CTNNA3: variants seen among roughly 807,000 people sequenced by gnomAD.
CTNNA3 encodes the protein catenin alpha-3.
A neutral mutation model predicts 95.7 loss-of-function variants in CTNNA3; 76 were observed. The observed-to-expected ratio is 0.79, with a 90% CI of 0.66 to 0.96. The LOEUF is 0.96. Among genes scored for constraint, CTNNA3 ranks in the 40% least tolerant of loss-of-function variants. The pLI is 0.00. For synonymous variants in CTNNA3, 431 were observed against 374.4 expected (o/e 1.15, Z -1.74); for missense variants, 1,191 against 1,089.8 (o/e 1.09, Z -1.31).
At chr10:67,023,947 G>T (rs1263672537) in intron 7 of CTNNA3, among the ~76,000 whole-genome samples, 1 of 152,086 alleles carries the variant, frequency 6.6e-6, no homozygotes, top group Non-Finnish European at 1.5e-5. Flanking sequence ...GGATTATTTT[G>T]GGTTATTACT....
intron 7 of CTNNA3, among the ~76,000 whole-genome samples, chr10:67,004,429 A>G (rs10997480): frequency 0.31 from 47,647 of 152,194 alleles, 8,670 homozygotes; most frequent in East Asian, 0.53. Flanking sequence ...GACACATGTA[A>G]GGACAGCCCC....
chr10:66,213,035 T>G (rs1589747681), intron 13 of CTNNA3, among the ~76,000 whole-genome samples: 1 of 152,130 alleles, frequency 6.6e-6, no homozygotes, highest in Admixed American at 6.6e-5. Context: ...GAAAGAAATG[T>G]CCTTTTTGCC....
chr10:67,081,243 C>T (rs1857043671), intron 7 of CTNNA3, among the ~76,000 whole-genome samples: 1 of 152,074 alleles, frequency 6.6e-6, no homozygotes, highest in South Asian at 2.1e-4. Flanking sequence ...ATTTAAAATG[C>T]TTAATTCTCT....
intron 13 of CTNNA3, among the ~76,000 whole-genome samples, chr10:66,176,722 GA>G (rs2085731890): frequency 6.6e-6 from 1 of 152,018 alleles, no homozygotes. Context: ...TGTCATCTAT[GA>G]ACCAGAAAGT....
chr10:67,036,574 T>C (rs1564846159), intron 7 of CTNNA3, among the ~76,000 whole-genome samples: 1 of 152,150 alleles, frequency 6.6e-6, no homozygotes, highest in Non-Finnish European at 1.5e-5. Context: ...GGTCTCCATG[T>C]TGCCCAGGCT....
intron 7 of CTNNA3, among the ~76,000 whole-genome samples, chr10:67,050,351 A>G (rs1441757039): frequency 6.6e-6 from 1 of 152,188 alleles, no homozygotes; most frequent in African/African-American, 2.4e-5. Context: ...TTTGCAACTG[A>G]ATTTTATAGA....
At chr10:67,361,350 A>AAG (rs765797541) in intron 5 of CTNNA3, among the ~76,000 whole-genome samples, 4 of 152,170 alleles carry the variant, frequency 2.6e-5, no homozygotes, top group Admixed American at 6.6e-5. Flanking sequence ...CACAGAACAT[A>AAG]CTGCAAGACT....
chr10:67,168,390 T>C (rs1861873203), intron 7 of CTNNA3, among the ~76,000 whole-genome samples: 1 of 151,990 alleles, frequency 6.6e-6, no homozygotes, highest in African/African-American at 2.4e-5. Context: ...CTCAACAAAA[T>C]ACTGGCAAAC....
intron 1 of CTNNA3, among the ~76,000 whole-genome samples, chr10:67,760,014 T>C (rs1347177128): frequency 6.6e-6 from 1 of 152,198 alleles, no homozygotes; most frequent in Non-Finnish European, 1.5e-5. Context: ...AAATTTGTGT[T>C]GTTTTACGCC....
intron 11 of CTNNA3, among the ~76,000 whole-genome samples, chr10:66,501,575 G>A (rs138604652): frequency 2.7e-4 from 41 of 152,246 alleles, no homozygotes; most frequent in African/African-American, 8.4e-4. Context: ...TTGTCAACAC[G>A]AAAGTGTTCA....
intron 15 of CTNNA3, among the ~76,000 whole-genome samples, chr10:66,006,298 C>T (rs2078882712): frequency 1.3e-5 from 2 of 152,188 alleles, no homozygotes; most frequent in South Asian, 2.1e-4. Flanking sequence ...CAGGTGTGAG[C>T]CACTGCACCA....
intron 12 of CTNNA3, among the ~76,000 whole-genome samples, chr10:66,306,255 AG>A (rs755983708): frequency 3.9e-5 from 6 of 152,202 alleles, no homozygotes; most frequent in Non-Finnish European, 7.3e-5. Context: ...TTTGACTTTC[AG>A]CAAATCACAT....
intron 7 of CTNNA3, among the ~76,000 whole-genome samples, chr10:66,964,975 A>G (rs2132792872): frequency 6.6e-6 from 1 of 152,368 alleles, no homozygotes; most frequent in South Asian, 2.1e-4. Flanking sequence ...TTAAAAAGCA[A>G]TAAAATAAGA....
chr10:66,811,426 G>A (rs73316578), intron 7 of CTNNA3, among the ~76,000 whole-genome samples: 8 of 152,128 alleles, frequency 5.3e-5, no homozygotes, highest in African/African-American at 7.2e-5. Flanking sequence ...CTGAATCTAC[G>A]CAAGAGGAAT....
At chr10:66,882,129 T>G (rs1055100988) in intron 7 of CTNNA3, among the ~76,000 whole-genome samples, 2 of 152,042 alleles carry the variant, frequency 1.3e-5, no homozygotes, top group African/African-American at 4.8e-5. Context: ...TCAAAATATT[T>G]AGCAGCAACA....
chr10:66,276,334 T>A (rs941517233), intron 13 of CTNNA3, among the ~76,000 whole-genome samples: 5 of 151,890 alleles, frequency 3.3e-5, no homozygotes, highest in Non-Finnish European at 7.4e-5. Context: ...ATAGGAAAAA[T>A]TTTACCTGAA....
chr10:66,177,941 T>C (rs1434920817), intron 13 of CTNNA3, among the ~76,000 whole-genome samples: 3 of 151,972 alleles, frequency 2.0e-5, no homozygotes, highest in Non-Finnish European at 4.4e-5. Context: ...TTTCTTTTCA[T>C]AATTTTGTTT....
chr10:66,444,285 C>A (rs1427070806), intron 11 of CTNNA3, among the ~76,000 whole-genome samples: 21 of 152,088 alleles, frequency 1.4e-4, no homozygotes. Context: ...CCCAGTCTAG[C>A]AAGGCAGGCC....
At position 65,919,299 on chromosome 10, in the gene CTNNA3, T is replaced by C. The variant is rs1410015303; in HGVS notation, c.*1031A>G. The stretch of plus-strand genomic sequence containing the variant: ...CAGTGACTTTTATTTAAAAGAACGT[T>C]ATTAAAATCACTCCAGCTTCATTGC... On this transcript the variant is annotated 3_prime_UTR_variant, in exon 18 of 18. Transcript: ENST00000433211. 2.0e-5 allele frequency: 3 copies of C among 152,202 alleles called. No individual in the cohort carries two copies. The highest frequency in any genetic ancestry group is 7.2e-5 in the African/African-American group (3 of 41,466). 9.4% of individuals were successfully genotyped at this position (152,202 alleles called of 1,614,324 possible). A position where few individuals can be genotyped will look rare whatever the true frequency, so the allele number is the denominator to read the frequency against.
Sources: gnomAD v4.1 joint callset for allele counts (sites outside exome capture counted in the v4.1 genomes callset) on GRCh38, gnomAD v4.1.1 for gene constraint, MANE v1.5 for transcripts, NCBI Gene and HGNC (gene_info 2026-07-23, HGNC 2026-07-21) for gene names.